BAG3: variants seen among roughly 807,000 people sequenced by gnomAD.
BAG3 encodes the protein BAG family molecular chaperone regulator 3.
Under a neutral mutation model 40.5 loss-of-function variants are expected in BAG3, and 14 were observed. That is an observed-to-expected ratio of 0.35 (90% CI 0.23 to 0.54). BAG3 has a LOEUF of 0.54. Among genes scored for constraint, BAG3 ranks in the 20% least tolerant of loss-of-function variants. The pLI is 0.91. For synonymous variants in BAG3, 302 were observed against 307.8 expected (o/e 0.98, Z 0.20); for missense variants, 788 against 758.6 (o/e 1.04, Z -0.46).
chr10:119,657,879 G>A (rs1346964580), intron 1 of BAG3, among the ~76,000 whole-genome samples: 4 of 152,100 alleles, frequency 2.6e-5, no homozygotes, highest in South Asian at 2.1e-4. Context: ...ATTTTTTTTC[G>A]TGTGGCTGGC....
intron 1 of BAG3, among the ~76,000 whole-genome samples, chr10:119,652,314 C>G (rs1415662653): frequency 1.3e-5 from 2 of 152,186 alleles, no homozygotes; most frequent in East Asian, 3.9e-4. Flanking sequence ...GGGGGACACT[C>G]GCAAGCTTGG....
chr10:119,654,882 C>T (rs1653807597), intron 1 of BAG3, among the ~76,000 whole-genome samples: 1 of 152,222 alleles, frequency 6.6e-6, no homozygotes, highest in Non-Finnish European at 1.5e-5. Context: ...CGCTCTAGCT[C>T]CATGGATCTT....
intron 1 of BAG3, among the ~76,000 whole-genome samples, chr10:119,663,892 T>TAAGA (rs1303350855): frequency 6.6e-6 from 1 of 152,150 alleles, no homozygotes; most frequent in Non-Finnish European, 1.5e-5. Flanking sequence ...GGGTTGGGCT[T>TAAGA]AAGAGTCTGC....
Position 119,672,702 on chromosome 10 carries a change from C to T in BAG3, c.909+46C>T. On this transcript the variant is annotated intron_variant, in intron 3 of 3. Coordinates refer to ENST00000369085, the MANE Select transcript of BAG3 (RefSeq NM_004281.4). This position sits in a 1 kb window ranked among gnomAD's most constrained non-coding sequence, Gnocchi z 4.8. ...GCAGACTGGTTATGGTGGTATGTCT[C>T]CAGGGGTGCAGGAGCTCTGTGGGTG... The T allele has an allele frequency of 2.5e-6, 4 of 1,605,134 alleles. No individual in the cohort carries two copies. Among genetic ancestry groups the T allele is most frequent in the Non-Finnish European group, 3.4e-6 (4 of 1,179,872 alleles).
At chr10:119,660,658 C>A (rs113109942) in intron 1 of BAG3, among the ~76,000 whole-genome samples, 292 of 151,804 alleles carry the variant, frequency 1.9e-3, no homozygotes, top group African/African-American at 6.7e-3. Flanking sequence ...GCAGCCTGGG[C>A]CCCATAGTGA....
At chr10:119,666,713 A>T (rs1250317758) in intron 1 of BAG3, among the ~76,000 whole-genome samples, 1 of 152,212 alleles carries the variant, frequency 6.6e-6, no homozygotes, top group African/African-American at 2.4e-5. Context: ...AAGCCCTGGA[A>T]GGGTCTGGCT....
chr10:119,651,385 C>A lies in BAG3; in HGVS notation c.-291C>A, dbSNP rs1348420645. 3 of 317,930 alleles carry A rather than the reference C, an allele frequency of 9.4e-6. No individual in the cohort carries two copies. In the Admixed American group the frequency reaches 1.5e-4, roughly 16 times the overall value. The allele number at this position is 317,930 out of a possible 1,614,324, so 19.7% of individuals were successfully genotyped here. ...ATGACTCAGGGCGGAGCTCCGCATCCAACCCCGGGCCGCGGCCAACTTCTC... is the reference window on the plus strand; with the variant it reads ...ATGACTCAGGGCGGAGCTCCGCATCAAACCCCGGGCCGCGGCCAACTTCTC... On this transcript the variant is annotated 5_prime_UTR_variant, in exon 1 of 4. Transcript: ENST00000369085.
At chr10:119,659,707 A>G (rs1279376603) in intron 1 of BAG3, among the ~76,000 whole-genome samples, 1 of 152,192 alleles carries the variant, frequency 6.6e-6, no homozygotes, top group Non-Finnish European at 1.5e-5. Flanking sequence ...TGTCCTGTAC[A>G]CTGAGACCTA....
At chr10:119,675,814 CTGCT>C (rs1564775937) in intron 3 of BAG3, among the ~76,000 whole-genome samples, 4 of 62,630 alleles carry the variant, frequency 6.4e-5, no homozygotes, top group Admixed American at 1.8e-4. Context: ...CCCCCCTTCC[CTGCT>C]TCCTTCCCCC....
chr10:119,655,693 A>G (rs1846900541), intron 1 of BAG3, among the ~76,000 whole-genome samples: 1 of 151,774 alleles, frequency 6.6e-6, no homozygotes, highest in South Asian at 2.1e-4. Flanking sequence ...CATGAAAGTG[A>G]TTTGTTGGGG....
intron 2 of BAG3, 112 bp downstream of exon 2, chr10:119,670,289 GGCATCTGGGTCTAGCCTGCA>G: frequency 8.3e-7 from 1 of 1,202,480 alleles, no homozygotes. Flanking sequence ...TCACATGCAG[GGCATCTGGGTCTAGCCTGCA>G]GCATCAGAGG....
intron 1 of BAG3, among the ~76,000 whole-genome samples, chr10:119,661,441 C>T (rs1024949164): frequency 2.0e-5 from 3 of 152,134 alleles, no homozygotes; most frequent in Non-Finnish European, 4.4e-5. Flanking sequence ...TGTCCATGGT[C>T]ACACAGCTGG....
At chr10:119,674,003 G>T (rs1026826443) in intron 3 of BAG3, among the ~76,000 whole-genome samples, 1 of 152,020 alleles carries the variant, frequency 6.6e-6, no homozygotes, top group Non-Finnish European at 1.5e-5. Context: ...GTACATTTTT[G>T]AATCTTTTTT....
chr10:119,658,196 A>G (rs1427040487), intron 1 of BAG3, among the ~76,000 whole-genome samples: 1 of 152,262 alleles, frequency 6.6e-6, no homozygotes, highest in Non-Finnish European at 1.5e-5. Flanking sequence ...TGAATAAATG[A>G]ATGGATGGTT....
At chr10:119,657,932 T>C (rs2134054739) in intron 1 of BAG3, among the ~76,000 whole-genome samples, 1 of 152,348 alleles carries the variant, frequency 6.6e-6, no homozygotes, top group South Asian at 2.1e-4. Flanking sequence ...TTATTCACTG[T>C]CAATTCAGAA....
At chr10:119,673,095 C>T (rs1324028472) in intron 3 of BAG3, among the ~76,000 whole-genome samples, 4 of 152,156 alleles carry the variant, frequency 2.6e-5, no homozygotes, top group Non-Finnish European at 5.9e-5. Context: ...CACCCCTGTG[C>T]CTTTGCCCAT....
chr10:119,659,447 C>G (rs1410277597), intron 1 of BAG3, among the ~76,000 whole-genome samples: 5 of 152,192 alleles, frequency 3.3e-5, no homozygotes, highest in Admixed American at 3.3e-4. Flanking sequence ...GGACCCAGCT[C>G]TCAGGGGTGT....
intron 1 of BAG3, 39 bp downstream of exon 1, chr10:119,651,894 A>C: frequency 6.8e-7 from 1 of 1,465,968 alleles, no homozygotes; most frequent in Non-Finnish European, 9.1e-7. Context: ...CGGTGGCGCC[A>C]CCTCGACGGC....
At chr10:119,666,079 T>G (rs1443584563) in intron 1 of BAG3, among the ~76,000 whole-genome samples, 1 of 151,986 alleles carries the variant, frequency 6.6e-6, no homozygotes, top group Non-Finnish European at 1.5e-5. Flanking sequence ...CCCACATGCC[T>G]CTCATTTTTC....
Sources: allele counts gnomAD v4.1 joint callset (sites outside exome capture counted in the v4.1 genomes callset), GRCh38; gene constraint gnomAD v4.1.1; non-coding constraint Gnocchi (gnomAD v3.1); transcripts MANE v1.5; gene names NCBI Gene and HGNC (gene_info 2026-07-23, HGNC 2026-07-21).